The following TYW1 variants were observed in gnomAD, a reference collection of about 807,000 sequenced individuals.
TYW1 encodes S-adenosyl-L-methionine-dependent tRNA 4-demethylwyosine synthase TYW1.
TYW1 carries 46 observed loss-of-function variants against 96.2 expected under a neutral mutation model. The observed-to-expected ratio is 0.48, with a 90% confidence interval of 0.38 to 0.61. TYW1 has a LOEUF of 0.61. TYW1 is among the 20% of genes least tolerant of loss of function. The pLI is 0.00. For synonymous variants in TYW1, 274 were observed against 323.0 expected (o/e 0.85, Z 1.63); for missense variants, 684 against 909.6 (o/e 0.75, Z 3.19).
intron 9 of TYW1, among the ~76,000 whole-genome samples, chr7:67,063,412 A>G (rs1371422398): frequency 0.04 from 4,109 of 102,612 alleles, 1 homozygote; most frequent in Non-Finnish European, 0.05. Flanking sequence ...TAGTATTGTA[A>G]ATTCTAGCCA....
At chr7:67,143,392 C>T (rs778878988) in intron 13 of TYW1, among the ~76,000 whole-genome samples, 3 of 152,278 alleles carry the variant, frequency 2.0e-5, no homozygotes, top group East Asian at 1.9e-4. Context: ...AGACTTAAAA[C>T]GTAGTGTTAT....
At chr7:67,024,220 G>A (rs1185802599) in intron 6 of TYW1, among the ~76,000 whole-genome samples, 1 of 152,010 alleles carries the variant, frequency 6.6e-6, no homozygotes, top group Non-Finnish European at 1.5e-5. Flanking sequence ...GTAGAGATGA[G>A]GGTTTCACTA....
chr7:67,048,016 G>A (rs1174650228), intron 7 of TYW1, among the ~76,000 whole-genome samples: 1 of 150,530 alleles, frequency 6.6e-6, no homozygotes, highest in Non-Finnish European at 1.5e-5. Flanking sequence ...TCGAACTCCT[G>A]ACCTCAGGTG....
chr7:67,175,772 G>A (rs1341240978), intron 13 of TYW1, among the ~76,000 whole-genome samples: 1 of 152,168 alleles, frequency 6.6e-6, no homozygotes, highest in Non-Finnish European at 1.5e-5. Context: ...AGGATTAGAA[G>A]GAAACTTCCT....
At chr7:67,169,292 C>G (rs1271300598) in intron 13 of TYW1, among the ~76,000 whole-genome samples, 4 of 152,104 alleles carry the variant, frequency 2.6e-5, no homozygotes, top group Admixed American at 2.6e-4. Flanking sequence ...ATTTACAAAA[C>G]AGTGTGACCA....
chr7:67,011,561 G>A (rs1319624761), intron 4 of TYW1, among the ~76,000 whole-genome samples: 1 of 152,148 alleles, frequency 6.6e-6, no homozygotes, highest in African/African-American at 2.4e-5. Flanking sequence ...TCCTGGTGAT[G>A]CTGACACAGG....
intron 9 of TYW1, among the ~76,000 whole-genome samples, chr7:67,062,229 T>C (rs1242961882): frequency 1.3e-5 from 2 of 151,930 alleles, no homozygotes; most frequent in Non-Finnish European, 2.9e-5. Flanking sequence ...GCCAATATGG[T>C]GAAACCCTGT....
intron 10 of TYW1, among the ~76,000 whole-genome samples, chr7:67,080,432 A>G (rs1209117035): frequency 6.7e-6 from 1 of 148,614 alleles, no homozygotes; most frequent in Non-Finnish European, 1.5e-5. Flanking sequence ...TTGAGATGGA[A>G]TCCTGCTCTG....
At chr7:67,025,167 C>T in intron 7 of TYW1, 145 bp downstream of exon 7, 3 of 1,399,128 alleles carry the variant, frequency 2.1e-6, no homozygotes, top group Non-Finnish European at 2.9e-6. Context: ...ATTTTTTTGC[C>T]ATTTTTCATG....
rs1234842732 is a variant in TYW1 at position 67,117,607 on chromosome 7, T to C, written c.1687T>C (p.Leu563=). ...WQRFLDSLKA[L]AVKQQRTVYR... ...GAGATTCCTTGACAGTTTAAAAGCCTTGGCAGTCAAGGTAAGAATTATGAC... is the reference window on the plus strand; with the variant it reads ...GAGATTCCTTGACAGTTTAAAAGCCCTGGCAGTCAAGGTAAGAATTATGAC... Residue 563 remains leucine (L), a synonymous_variant, in exon 13 of 16, where the codon TTG becomes CTG. Transcript: ENST00000359626. 4 of 1,611,238 alleles carry C rather than the reference T, an allele frequency of 2.5e-6. No homozygotes were observed. In the Admixed American group the frequency reaches 5.1e-5, roughly 20 times the overall value.
intron 13 of TYW1, among the ~76,000 whole-genome samples, chr7:67,135,302 G>GCTTTT (rs1798212006): frequency 8.9e-6 from 1 of 111,816 alleles, no homozygotes; most frequent in African/African-American, 3.8e-5. Flanking sequence ...TGTTAAAACA[G>GCTTTT]TTTTTTTTTT....
chr7:67,127,703 T>C (rs564487361), intron 13 of TYW1, among the ~76,000 whole-genome samples: 124 of 152,338 alleles, frequency 8.1e-4, no homozygotes, highest in African/African-American at 2.9e-3. Context: ...ATTTTCCTTT[T>C]CTCTGAAGAA....
chr7:67,095,046 T>A (rs1796850291), intron 11 of TYW1, among the ~76,000 whole-genome samples: 2 of 151,786 alleles, frequency 1.3e-5, no homozygotes, highest in Admixed American at 6.6e-5. Context: ...TTGCCTAGGC[T>A]AGAGTGCAGT....
intron 13 of TYW1, among the ~76,000 whole-genome samples, chr7:67,173,955 A>AC (rs1336866339): frequency 2.1e-5 from 3 of 139,876 alleles, no homozygotes; most frequent in Non-Finnish European, 4.7e-5. Flanking sequence ...AATCAGCCTT[A>AC]CCTACAGATG....
intron 9 of TYW1, among the ~76,000 whole-genome samples, chr7:67,056,313 G>A (rs1795515159): frequency 6.6e-6 from 1 of 152,124 alleles, no homozygotes; most frequent in Non-Finnish European, 1.5e-5. Context: ...CCAAAATGGT[G>A]AAACCCCGTT....
chr7:67,159,168 A>G (rs1028094118), intron 13 of TYW1, among the ~76,000 whole-genome samples: 26 of 152,146 alleles, frequency 1.7e-4, no homozygotes, highest in Admixed American at 3.9e-4. Flanking sequence ...TAAGTATTAT[A>G]TTACCTCAAG....
intron 14 of TYW1, among the ~76,000 whole-genome samples, chr7:67,188,671 C>G (rs533620686): frequency 6.6e-6 from 1 of 152,260 alleles, no homozygotes; most frequent in Non-Finnish European, 1.5e-5. Flanking sequence ...AAGGCTTGTT[C>G]CCTACCCGTG....
At chr7:67,063,512 A>G (rs979464202) in intron 9 of TYW1, among the ~76,000 whole-genome samples, 17 of 147,142 alleles carry the variant, frequency 1.2e-4, no homozygotes, top group Non-Finnish European at 2.4e-4. Flanking sequence ...ATTGTTATGT[A>G]GAAAATCTCA....
intron 15 of TYW1, among the ~76,000 whole-genome samples, chr7:67,236,312 C>T (rs532708330): frequency 2.6e-5 from 4 of 152,302 alleles, no homozygotes; most frequent in African/African-American, 9.6e-5. Flanking sequence ...AGTCTCAGGC[C>T]GTCTGTGGGA....
Sources: gnomAD v4.1 joint callset for allele counts (sites outside exome capture counted in the v4.1 genomes callset) on GRCh38, gnomAD v4.1.1 for gene constraint, MANE v1.5 for transcripts, NCBI Gene and HGNC (gene_info 2026-07-23, HGNC 2026-07-21) for gene names.